Variants in HSD17B14 observed in about 807,000 individuals in gnomAD.
The protein encoded by HSD17B14 is hydroxysteroid 17-beta dehydrogenase 14.
A neutral mutation model predicts 32.2 loss-of-function variants in HSD17B14; 32 were observed. The ratio of observed to expected loss-of-function variants is 0.99; its 90% CI spans 0.75 to 1.33. HSD17B14 has a LOEUF of 1.33. Ranked by LOEUF, HSD17B14 falls within the 40% of genes most tolerant of loss-of-function variation. HSD17B14 has a pLI of 0.00. For missense variants in HSD17B14, 370 were observed against 366.5 expected, an observed-to-expected ratio of 1.01 and a Z score of -0.08; for synonymous variants, 140 against 155.4, an observed-to-expected ratio of 0.90 and a Z score of 0.74.
intron 3 of HSD17B14, 63 bp from the exon 4 acceptor site, chr19:48,832,795 T>C: frequency 2.1e-6 from 3 of 1,409,542 alleles, no homozygotes; most frequent in Non-Finnish European, 2.0e-6. Context: ...CTCTTGTCAC[T>C]CAGGCTGGAG....
At chr19:48,832,760 T>A in intron 3 of HSD17B14, 28 bp from the exon 4 acceptor site, 1 of 1,586,514 alleles carries the variant, frequency 6.3e-7, no homozygotes, top group Non-Finnish European at 8.6e-7. Flanking sequence ...GTCCTTTGTT[T>A]TTTTTTTTTG....
intron 5 of HSD17B14, among the ~76,000 whole-genome samples, chr19:48,823,459 T>C (rs1386087883): frequency 6.6e-6 from 1 of 151,938 alleles, no homozygotes; most frequent in Admixed American, 6.6e-5. Context: ...CTTACTAACG[T>C]GTTTGGAAAT....
rs142662666 is a variant in HSD17B14 at position 48,830,547 on chromosome 19, C to T, written c.369+1121G>A. ...GGCCGAGAGAATTTTGAGCGCTAGC[C>T]GTCTCTGGGCTGCCGGCTAATAAAG... is the stretch of plus-strand genomic sequence containing the variant. On this transcript the variant is annotated intron_variant, in intron 5 of 8. Transcript: ENST00000263278. 5.0e-3 allele frequency among the ~76,000 whole-genome samples: 768 copies of T among 152,174 alleles called. 4 individuals are homozygous for T. The highest frequency in any genetic ancestry group is 7.4e-3 in the Non-Finnish European group (503 of 68,012).
intron 3 of HSD17B14, among the ~76,000 whole-genome samples, chr19:48,833,001 C>G (rs1219616012): frequency 6.6e-6 from 1 of 151,688 alleles, no homozygotes; most frequent in Non-Finnish European, 1.5e-5. Context: ...GTGATCCACC[C>G]GCCTCAGCCT....
rs748609221 is a variant in HSD17B14 at position 48,836,322 on chromosome 19, ACCGAAGGCGCGCACGATCCCAGCT to A, written c.66_88+1del. Reference sequence around the variant, plus strand: ...AGCTCCCAGCAGTCAGACCCGGCTCACCGAAGGCGCGCACGATCCCAGCTCCGATGCCGCGCCCGCCCCCGGTCA... The same window carrying A: ...AGCTCCCAGCAGTCAGACCCGGCTCACCGATGCCGCGCCCGCCCCCGGTCA... On this transcript the variant is annotated splice_donor_variant and coding_sequence_variant, in exon 1 of 9. Coordinates refer to ENST00000263278, the MANE Select transcript of HSD17B14 (RefSeq NM_016246.3). LOFTEE classifies it high-confidence loss of function. 6.2e-7 allele frequency: 1 copy of A among 1,608,784 alleles called. No homozygotes were observed. The highest frequency in any genetic ancestry group is 1.1e-5 in the South Asian group (1 of 90,874).
At chr19:48,818,311 AAAAAAAGAAAAAAG>A (rs201098543) in intron 5 of HSD17B14, among the ~76,000 whole-genome samples, 2 of 88,540 alleles carry the variant, frequency 2.3e-5, no homozygotes, top group African/African-American at 4.4e-5. Context: ...ACTGTCTCAA[AAAAAAAGAAAAAAG>A]AAAAAAGAAA....
intron 6 of HSD17B14, among the ~76,000 whole-genome samples, 181 bp from the exon 7 acceptor site, chr19:48,813,911 G>A (rs989248699): frequency 6.6e-6 from 1 of 152,176 alleles, no homozygotes; most frequent in Non-Finnish European, 1.5e-5. Flanking sequence ...TCTGTCACAG[G>A]AAGGCCAGGT....
Position 48,813,043 on chromosome 19 carries a change from G to A in HSD17B14, c.*132C>T. The A allele has an allele frequency of 1.8e-6, 1 of 560,880 alleles. No homozygotes were observed. The allele number at this position is 560,880 out of a possible 1,614,324, so 34.7% of individuals were successfully genotyped here. A position where few individuals can be genotyped will look rare whatever the true frequency, so the allele number is the denominator to read the frequency against. Reference sequence around the variant, plus strand: ...TTCTGGCTGCAAATCGTTTTTATGGGAACCTGCAGGGTGACCCGGCACCTT... The same window carrying A: ...TTCTGGCTGCAAATCGTTTTTATGGAAACCTGCAGGGTGACCCGGCACCTT... On this transcript the variant is annotated 3_prime_UTR_variant, in exon 9 of 9. Transcript: ENST00000263278.
chr19:48,831,683 C>T lies in HSD17B14; in HGVS notation c.354G>A (p.Thr118=), dbSNP rs751706554. 23 of 1,613,582 alleles carry T rather than the reference C, an allele frequency of 1.4e-5. No homozygotes were observed. Among genetic ancestry groups the T allele is most frequent in the Non-Finnish European group, 1.9e-5 (23 of 1,179,726 alleles). The change falls in exon 5 of 9, where the codon ACG becomes ACA. Residue 118 remains threonine, a synonymous_variant. Transcript: ENST00000263278. ...RQLLELNLLG[T]YTLTKLALPY... is the part of the protein sequence containing the mutation. ...CAGCCCTCACCTTGGTCAAGGTGTA[C>T]GTCCCCAGTAGGTTCAGCTCCAGCA...
Position 48,813,368 on chromosome 19 carries a change from G to C in HSD17B14, c.640-20C>G, listed in dbSNP as rs778593980. 2.6e-6 allele frequency: 4 copies of C among 1,561,496 alleles called. No individual in the cohort carries two copies. In the South Asian group the frequency reaches 4.7e-5, roughly 18 times the overall value. ...CAGTGGCTGGGGAGAAAAGAGGGGG[G>C]AAGGAGGTCAAGAGGAGCCCCACTT... is the stretch of plus-strand genomic sequence containing the variant. On this transcript the variant is annotated intron_variant, in intron 8 of 8. Coordinates refer to ENST00000263278, the MANE Select transcript of HSD17B14 (RefSeq NM_016246.3).
At chr19:48,831,923 C>T (rs1470842886) in intron 4 of HSD17B14, among the ~76,000 whole-genome samples, 164 bp from the exon 5 acceptor site, 1 of 150,624 alleles carries the variant, frequency 6.6e-6, no homozygotes, top group Non-Finnish European at 1.5e-5. Context: ...ACGAAAAATA[C>T]AAAAATTAGC....
chr19:48,824,025 C>T (rs556719144), intron 5 of HSD17B14, among the ~76,000 whole-genome samples: 47 of 147,302 alleles, frequency 3.2e-4, no homozygotes, highest in Middle Eastern at 3.4e-3. Context: ...GAGGCCGAGG[C>T]GGGCAGATCA....
intron 1 of HSD17B14, 91 bp downstream of exon 1, chr19:48,836,233 G>T: frequency 7.8e-7 from 1 of 1,276,112 alleles, no homozygotes. Context: ...CCTGGCTGCA[G>T]TACTGGAGTC....
intron 5 of HSD17B14, among the ~76,000 whole-genome samples, chr19:48,825,260 G>A (rs1297495028): frequency 8.2e-6 from 1 of 122,646 alleles, no homozygotes; most frequent in African/African-American, 3.1e-5. Context: ...AAAAAAAATT[G>A]TATGATCTGG....
At position 48,813,652 on chromosome 19, in the gene HSD17B14, G is replaced by C. The variant is rs1486508713; in HGVS notation, c.542+11C>G. On this transcript the variant is annotated intron_variant, in intron 7 of 8. Coordinates refer to ENST00000263278, the MANE Select transcript of HSD17B14 (RefSeq NM_016246.3). ...CCCCAGGAGGCTCTCCGCCTGCTCA[G>C]AGCAGCTCACCAGTTGACTCGGACA... 1 of 1,614,130 alleles carries C rather than the reference G, an allele frequency of 6.2e-7. No homozygotes were observed. Among genetic ancestry groups the C allele is most frequent in the Non-Finnish European group, 8.5e-7 (1 of 1,180,002 alleles).
intron 5 of HSD17B14, among the ~76,000 whole-genome samples, chr19:48,823,506 T>A (rs2035193080): frequency 6.6e-6 from 1 of 152,122 alleles, no homozygotes; most frequent in African/African-American, 2.4e-5. Flanking sequence ...TTATAATACT[T>A]TGACAAAAAG....
Position 48,834,276 on chromosome 19 carries a change from C to G in HSD17B14, c.210G>C (p.Lys70Asn). 6.2e-7 allele frequency: 1 copy of G among 1,613,404 alleles called. No individual in the cohort carries two copies. Among genetic ancestry groups the G allele is most frequent in the Non-Finnish European group, 8.5e-7 (1 of 1,179,416 alleles). The change falls in exon 3 of 9, where the codon AAG becomes AAC. Residue 70 changes from lysine (K) to asparagine (N), a missense_variant and splice_region_variant. Coordinates refer to ENST00000263278, the MANE Select transcript of HSD17B14 (RefSeq NM_016246.3). ...GGGTAGGAACAGGAACTCGGCTTACCTTCACATCATCTTCCTGAGTCACAT... is the reference window on the plus strand; with the variant it reads ...GGGTAGGAACAGGAACTCGGCTTACGTTCACATCATCTTCCTGAGTCACAT... ...LCDVTQEDDVKTLVSETIRRF... is the reference protein window; with the variant it reads ...LCDVTQEDDVNTLVSETIRRF...
At chr19:48,817,727 T>C (rs1409467619) in intron 5 of HSD17B14, among the ~76,000 whole-genome samples, 2 of 152,206 alleles carry the variant, frequency 1.3e-5, no homozygotes, top group Admixed American at 6.5e-5. Flanking sequence ...TAAATATCCT[T>C]TGAATGAATG....
chr19:48,833,306 C>T (rs10423929), intron 3 of HSD17B14, among the ~76,000 whole-genome samples: 28,257 of 151,218 alleles, frequency 0.19, 2,933 homozygotes, highest in South Asian at 0.26. Context: ...ATTCAGAGAG[C>T]GCGTAGGGGA....
Sources: gnomAD v4.1 joint callset for allele counts (sites outside exome capture counted in the v4.1 genomes callset) on GRCh38, gnomAD v4.1.1 for gene constraint, MANE v1.5 for transcripts, NCBI Gene and HGNC (gene_info 2026-07-23, HGNC 2026-07-21) for gene names.